The following PRPF39 variants were observed in gnomAD, a reference collection of about 807,000 sequenced individuals.
PRPF39 encodes the protein pre-mRNA processing factor 39.
PRPF39 carries 27 observed loss-of-function variants against 82.1 expected under a neutral mutation model. The observed-to-expected ratio is 0.33, with a 90% confidence interval of 0.24 to 0.45. The LOEUF is 0.45. PRPF39 is among the 20% of genes least tolerant of loss of function. PRPF39 has a pLI of 1.00. For missense variants in PRPF39, 581 were observed against 796.9 expected (o/e 0.73, Z 3.26); for synonymous variants, 261 against 256.4 (o/e 1.02, Z -0.17).
intron 3 of PRPF39, 38 bp downstream of exon 3, chr14:45,096,266 A>C: frequency 6.5e-7 from 1 of 1,542,166 alleles, no homozygotes. Context: ...TCCAATAGGT[A>C]CTGTAAGCCA....
intron 4 of PRPF39, among the ~76,000 whole-genome samples, chr14:45,102,174 C>T (rs896772452): frequency 6.6e-6 from 1 of 152,188 alleles, no homozygotes; most frequent in African/African-American, 2.4e-5. Flanking sequence ...TCTTTAACTT[C>T]CTACTTGTTT....
At chr14:45,093,303 ACCT>A (rs1884098281) in intron 1 of PRPF39, among the ~76,000 whole-genome samples, 1 of 149,870 alleles carries the variant, frequency 6.7e-6, no homozygotes, top group African/African-American at 2.5e-5. Context: ...GCTCACTGCA[ACCT>A]TCACCTCCCG....
Position 45,102,545 on chromosome 14 carries a change from G to C in PRPF39, c.586G>C (p.Val196Leu). ...ATTTTTCAGAACTTTTGAGCATGCT[G>C]TTCTAGCTGCAGGAACAGATTTCCG... Reference protein sequence around the residue: ...NTIRGTFEHAVLAAGTDFRSD... With the variant: ...NTIRGTFEHALLAAGTDFRSD... Residue 196 changes from valine (V) to leucine (L), a missense_variant, in exon 5 of 14, where the codon GTT (valine) becomes CTT (leucine). Coordinates refer to ENST00000355765, the MANE Select transcript of PRPF39 (RefSeq NM_017922.4). The C allele has an allele frequency of 1.2e-6, 2 of 1,608,154 alleles. No homozygotes were observed. Among genetic ancestry groups the C allele is most frequent in the Non-Finnish European group, 1.7e-6 (2 of 1,177,914 alleles).
In PRPF39 at chr14:45,112,491, C is replaced by A; in HGVS notation, c.1746C>A (p.Ser582=). 1.3e-6 allele frequency: 2 copies of A among 1,501,208 alleles called. No individual in the cohort carries two copies. The highest frequency in any genetic ancestry group is 2.5e-5 in the East Asian group (1 of 40,714). 93.0% of individuals were successfully genotyped at this position (1,501,208 alleles called of 1,614,324 possible). ...TGGAATTTCTTGAAGATTTTGGTTC[C>A]GATGTTAATAAGTAAGATATTAGTT... ...RKVEFLEDFG[S]DVNKLLNAYD... Residue 582 remains serine, a synonymous_variant, in exon 11 of 14, where the codon TCC becomes TCA. Coordinates refer to ENST00000355765, the MANE Select transcript of PRPF39 (RefSeq NM_017922.4).
rs1361793741 is a variant in PRPF39, at chr14:45,098,888, A to G, written c.569+1883A>G. Among the ~76,000 whole-genome samples, 3 of 152,186 alleles carry G rather than the reference A, an allele frequency of 2.0e-5. No individual in the cohort carries two copies. In the South Asian group the frequency reaches 6.2e-4, roughly 31 times the overall value. On this transcript the variant is annotated intron_variant, in intron 4 of 13. Transcript: ENST00000355765. ...TCCAACTTTTAGAAGAGTGTGTCCTATAACTTCTTGTTAAAGGATGCTTGG... is the reference window on the plus strand; with the variant it reads ...TCCAACTTTTAGAAGAGTGTGTCCTGTAACTTCTTGTTAAAGGATGCTTGG...
At chr14:45,096,565 A>G (rs1566692868) in intron 3 of PRPF39, 3 of 1,435,724 alleles carry the variant, frequency 2.1e-6, no homozygotes, top group Admixed American at 2.1e-5. Flanking sequence ...TGCTAGTCAC[A>G]TTTGCTACGT....
intron 2 of PRPF39, 122 bp from the exon 3 acceptor site, chr14:45,095,981 T>C (rs1001398493): frequency 2.4e-6 from 2 of 827,274 alleles, no homozygotes; most frequent in African/African-American, 1.8e-5. Flanking sequence ...GCAGCCTGCA[T>C]GTGGAGTTTT....
intron 7 of PRPF39, 65 bp downstream of exon 7, chr14:45,108,587 A>T: frequency 1.3e-6 from 2 of 1,522,858 alleles, no homozygotes; most frequent in Non-Finnish European, 1.7e-6. Context: ...TTTTCTTTCA[A>T]TTTTGATAGT....
intron 6 of PRPF39, 52 bp from the exon 7 acceptor site, chr14:45,108,363 A>T (rs1279337042): frequency 1.3e-6 from 2 of 1,499,648 alleles, no homozygotes; most frequent in African/African-American, 1.4e-5. Flanking sequence ...GATATTGAAA[A>T]TTTTCAGTAT....
rs777086410 is a variant in PRPF39, at chr14:45,102,668, A to G, written c.709A>G (p.Thr237Ala). ...ATATGATCGTATTCTTGGTATTCCA[A>G]CACAGCTGTATAGTCATCATTTTCA... ...AIYDRILGIP[T>A]QLYSHHFQRF... The change falls in exon 5 of 14, where the codon ACA becomes GCA. Residue 237 changes from threonine (T) to alanine (A), a missense_variant. Thr to Ala is a moderately conservative substitution (Grantham distance 58, BLOSUM62 0). Transcript: ENST00000355765. The G allele has an allele frequency of 6.2e-7, 1 of 1,609,766 alleles. No homozygotes were observed.
Position 45,110,898 on chromosome 14 carries a change from A to G in PRPF39, c.1572+81A>G. The G allele has an allele frequency of 7.7e-7, 1 of 1,302,376 alleles. No individual in the cohort carries two copies. Among genetic ancestry groups the G allele is most frequent in the Non-Finnish European group, 1.0e-6 (1 of 955,156 alleles). The allele number at this position is 1,302,376 out of a possible 1,614,324, so 80.7% of individuals were successfully genotyped here. A position where few individuals can be genotyped will look rare whatever the true frequency, so the allele number is the denominator to read the frequency against. Reference sequence around the variant, plus strand: ...ATTTTCACTGTGGCAACTGTGATGAAAGATTTGGTCTGTATGTAATAGATT... The same window carrying G: ...ATTTTCACTGTGGCAACTGTGATGAGAGATTTGGTCTGTATGTAATAGATT... On this transcript the variant is annotated intron_variant, in intron 10 of 13. Transcript: ENST00000355765. This position sits in a 1 kb window ranked among gnomAD's most constrained non-coding sequence, Gnocchi z 4.0.
chr14:45,096,019 T>A (rs1195100337), intron 2 of PRPF39, 84 bp from the exon 3 acceptor site: 4 of 1,229,562 alleles, frequency 3.3e-6, no homozygotes, highest in Middle Eastern at 2.3e-4. Context: ...ATTATTTTTT[T>A]AGATAATAAC....
intron 2 of PRPF39, 126 bp from the exon 3 acceptor site, chr14:45,095,977 T>C: frequency 1.3e-6 from 1 of 787,162 alleles, no homozygotes. Flanking sequence ...CAGAGCAGCC[T>C]GCATGTGGAG....
intron 11 of PRPF39, 144 bp downstream of exon 11, chr14:45,112,646 GGT>G: frequency 1.2e-6 from 1 of 822,592 alleles, no homozygotes; most frequent in Non-Finnish European, 1.7e-6. Flanking sequence ...TATATATGGG[GGT>G]AAATTCAATT....
chr14:45,099,156 G>T (rs896666625), intron 4 of PRPF39, among the ~76,000 whole-genome samples: 1 of 151,996 alleles, frequency 6.6e-6, no homozygotes, highest in African/African-American at 2.4e-5. Flanking sequence ...GCTTTGATGT[G>T]GATTTTCTTT....
At chr14:45,101,859 T>C (rs1017396151) in intron 4 of PRPF39, among the ~76,000 whole-genome samples, 2 of 151,236 alleles carry the variant, frequency 1.3e-5, no homozygotes, top group Non-Finnish European at 2.9e-5. Flanking sequence ...CAGTCTGGAG[T>C]GCAGTGGTGC....
intron 1 of PRPF39, among the ~76,000 whole-genome samples, chr14:45,088,942 G>A (rs557585066): frequency 3.9e-5 from 6 of 152,290 alleles, no homozygotes; most frequent in African/African-American, 7.2e-5. Context: ...CAAGAAACTG[G>A]TGTGAAGCAA....
At position 45,110,689 on chromosome 14, in the gene PRPF39, A is replaced by C. The variant is rs1236587509; in HGVS notation, c.1444A>C (p.Ile482Leu). The change falls in exon 10 of 14, where the codon ATT becomes CTT. Residue 482 changes from isoleucine (I) to leucine (L), a missense_variant. Ile to Leu is a conservative substitution (Grantham distance 5). Coordinates refer to ENST00000355765, the MANE Select transcript of PRPF39 (RefSeq NM_017922.4). The surrounding 1 kb of genome is among the most constrained non-coding windows in gnomAD (Gnocchi z 4.0). ...EEAEHLLQDA[I>L]KNAKSNNESS... ...AGCTGAACATTTGCTTCAGGATGCC[A>C]TTAAGAATGCCAAATCAAATAATGA... 1 of 1,574,382 alleles carries C rather than the reference A, an allele frequency of 6.4e-7. No individual in the cohort carries two copies. Among genetic ancestry groups the C allele is most frequent in the South Asian group, 1.2e-5 (1 of 85,760 alleles).
chr14:45,097,801 C>G (rs1884247855), intron 4 of PRPF39, among the ~76,000 whole-genome samples: 1 of 152,058 alleles, frequency 6.6e-6, no homozygotes, highest in Admixed American at 6.6e-5. Context: ...TGCTAATGTA[C>G]TTGTTTTTGG....
Sources: gnomAD v4.1 joint callset for allele counts (sites outside exome capture counted in the v4.1 genomes callset) on GRCh38, gnomAD v4.1.1 for gene constraint, Gnocchi (gnomAD v3.1) non-coding constraint, MANE v1.5 for transcripts, NCBI Gene and HGNC (gene_info 2026-07-23, HGNC 2026-07-21) for gene names.